Variants in MICAL3 observed in about 807,000 individuals in gnomAD.
The protein encoded by MICAL3 is microtubule associated monooxygenase, calponin and LIM domain containing 3.
MICAL3 carries 62 observed loss-of-function variants against 207.4 expected under a neutral mutation model. That is an observed-to-expected ratio of 0.30 (90% confidence interval 0.24 to 0.37). The LOEUF (loss-of-function observed/expected upper bound fraction) is 0.37. Among genes scored for constraint, MICAL3 ranks in the 10% least tolerant of loss-of-function variants. The pLI is 1.00. For missense variants in MICAL3, 2,368 were observed against 2,635.6 expected (o/e 0.90, Z 2.22); for synonymous variants, 1,077 against 1,069.3 (o/e 1.01, Z -0.14).
chr22:17,875,009 A>G lies in MICAL3; in HGVS notation c.2242-2986T>C, dbSNP rs140054961. Reference sequence around the variant, plus strand: ...GCTACTTCAGGTGACAGCCGCGTACATTCCTCAAATGATGACAACAGGCAG... The same window carrying G: ...GCTACTTCAGGTGACAGCCGCGTACGTTCCTCAAATGATGACAACAGGCAG... On this transcript the variant is annotated intron_variant, in intron 16 of 31. Transcript: ENST00000441493. Among the ~76,000 whole-genome samples the G allele has an allele frequency of 5.3e-3, 800 of 152,362 alleles. 9 individuals carry two copies. Among genetic ancestry groups the G allele is most frequent in the African/African-American group, 0.018 (754 of 41,584 alleles).
chr22:17,916,574 G>T (rs995416833), intron 1 of MICAL3, among the ~76,000 whole-genome samples: 5 of 152,212 alleles, frequency 3.3e-5, no homozygotes, highest in Non-Finnish European at 7.3e-5. Flanking sequence ...TCAAGGTCAT[G>T]AATGACTTCC....
At chr22:17,963,799 G>C (rs1076544) in intron 1 of MICAL3, among the ~76,000 whole-genome samples, 1 of 152,062 alleles carries the variant, frequency 6.6e-6, no homozygotes, top group Non-Finnish European at 1.5e-5. Flanking sequence ...CCCACAGGCC[G>C]ATCATTGCCT....
At chr22:17,820,863 T>C (rs1337015596) in intron 25 of MICAL3, among the ~76,000 whole-genome samples, 1 of 137,342 alleles carries the variant, frequency 7.3e-6, no homozygotes, top group African/African-American at 2.6e-5. Flanking sequence ...TTTGTTCTAA[T>C]AAATTTTAAT....
intron 1 of MICAL3, among the ~76,000 whole-genome samples, chr22:17,930,078 A>G (rs1275147471): frequency 6.6e-6 from 1 of 152,224 alleles, no homozygotes; most frequent in Non-Finnish European, 1.5e-5. Flanking sequence ...GGTGTTTAAC[A>G]TATTAGTCAC....
At chr22:17,903,688 G>A (rs1164701221) in intron 3 of MICAL3, among the ~76,000 whole-genome samples, 3 of 152,168 alleles carry the variant, frequency 2.0e-5, no homozygotes, top group Non-Finnish European at 2.9e-5. Flanking sequence ...AGAACTGTGG[G>A]TCCCAAGATG....
At chr22:17,953,668 C>T (rs953899132) in intron 1 of MICAL3, among the ~76,000 whole-genome samples, 13 of 152,072 alleles carry the variant, frequency 8.5e-5, no homozygotes, top group Non-Finnish European at 1.8e-4. Context: ...TGGTGGCTCA[C>T]GCCTGTAATC....
rs869097812 is a variant in MICAL3, at chr22:17,838,955, CT to C, written c.2801+2866del. Among the ~76,000 whole-genome samples, 270 of 88,438 alleles carry C rather than the reference CT, an allele frequency of 3.1e-3. 1 individual carries two copies. Among genetic ancestry groups the C allele is most frequent in the African/African-American group, 6.9e-3 (139 of 20,008 alleles). The allele number at this position is 88,438 out of a possible 152,430, so 58.0% of individuals were successfully genotyped here. ...CATTTATAGCTCCTTCCCCTAGATGCTTTTTTTTTTTTTTTTTTTTTTTTGA... is the reference window on the plus strand; with the variant it reads ...CATTTATAGCTCCTTCCCCTAGATGCTTTTTTTTTTTTTTTTTTTTTTTGA... On this transcript the variant is annotated intron_variant, in intron 20 of 31. Coordinates refer to ENST00000441493, the MANE Select transcript of MICAL3 (RefSeq NM_015241.3).
rs193214876 is a variant in MICAL3 at position 17,907,661 on chromosome 22, A to C, written c.-74-775T>G. On this transcript the variant is annotated intron_variant, in intron 1 of 31. Transcript: ENST00000441493. The stretch of plus-strand genomic sequence containing the variant: ...AGGGCAGAAGAGCCGCAGACTCTGG[A>C]AGAGATCCAGGAGGCCCCACCTTCA... Among the ~76,000 whole-genome samples, 12 of 152,308 alleles carry C rather than the reference A, an allele frequency of 7.9e-5. No homozygotes were observed. The East Asian group carries it at 2.1e-3, about 27-fold the overall frequency.
At chr22:17,980,513 C>T (rs1485707291) in intron 1 of MICAL3, among the ~76,000 whole-genome samples, 2 of 152,196 alleles carry the variant, frequency 1.3e-5, no homozygotes, top group Non-Finnish European at 2.9e-5. Flanking sequence ...TCCTGGAAAA[C>T]CATCAGCAGA....
intron 1 of MICAL3, among the ~76,000 whole-genome samples, chr22:17,979,623 C>T (rs1281925579): frequency 1.3e-5 from 2 of 151,904 alleles, no homozygotes; most frequent in Non-Finnish European, 2.9e-5. Context: ...AGGAATTCCC[C>T]ACGGCATCCA....
intron 16 of MICAL3, among the ~76,000 whole-genome samples, chr22:17,883,353 AG>A (rs1260275966): frequency 6.6e-6 from 1 of 152,242 alleles, no homozygotes; most frequent in African/African-American, 2.4e-5. Context: ...ATGGTTAGAA[AG>A]GAACATTTTT....
At chr22:18,018,686 C>T (rs956647005) in intron 1 of MICAL3, among the ~76,000 whole-genome samples, 1 of 152,054 alleles carries the variant, frequency 6.6e-6, no homozygotes, top group African/African-American at 2.4e-5. Context: ...TGTACCACTG[C>T]ACTCCAGCCT....
chr22:17,837,222 G>A (rs1015916503), intron 20 of MICAL3, among the ~76,000 whole-genome samples: 2 of 152,234 alleles, frequency 1.3e-5, no homozygotes, highest in African/African-American at 2.4e-5. Context: ...GGAGTGAGGC[G>A]GGAGGGAGAG....
chr22:17,825,815 C>T (rs545912572), intron 22 of MICAL3, among the ~76,000 whole-genome samples: 1 of 152,132 alleles, frequency 6.6e-6, no homozygotes, highest in Non-Finnish European at 1.5e-5. Context: ...GCTGTCCTGC[C>T]CCAAATGCCA....
chr22:18,023,437 T>C (rs1031962615), intron 1 of MICAL3, among the ~76,000 whole-genome samples: 1 of 126,268 alleles, frequency 7.9e-6, no homozygotes, highest in Admixed American at 8.6e-5. Flanking sequence ...TTTTCATTTC[T>C]TTACAATGAA....
chr22:17,881,111 G>T (rs987033119), intron 16 of MICAL3: 1 of 1,055,228 alleles, frequency 9.5e-7, no homozygotes, highest in South Asian at 1.4e-5. Context: ...GTTATTGCTG[G>T]TAAGAGGGAA....
In MICAL3 at chr22:17,900,733, C is replaced by G; in HGVS notation, c.847+109G>C. Reference sequence around the variant, plus strand: ...GAGTGAAAAGAGCAGGAGGGGCAGACAGTGCAGGAGGGACACCGACGGCCA... The same window carrying G: ...GAGTGAAAAGAGCAGGAGGGGCAGAGAGTGCAGGAGGGACACCGACGGCCA... On this transcript the variant is annotated intron_variant, in intron 6 of 31. Coordinates refer to ENST00000441493, the MANE Select transcript of MICAL3 (RefSeq NM_015241.3). This position sits in a 1 kb window ranked among gnomAD's most constrained non-coding sequence, Gnocchi z 4.0. The G allele has an allele frequency of 8.4e-6, 7 of 835,742 alleles. No individual in the cohort carries two copies. The highest frequency in any genetic ancestry group is 3.4e-5 in the South Asian group (2 of 58,146). 51.8% of individuals were successfully genotyped at this position (835,742 alleles called of 1,614,324 possible). A position where few individuals can be genotyped will look rare whatever the true frequency, so the allele number is the denominator to read the frequency against.
intron 20 of MICAL3, among the ~76,000 whole-genome samples, chr22:17,838,898 G>A (rs1923685354): frequency 6.6e-6 from 1 of 150,752 alleles, no homozygotes; most frequent in Non-Finnish European, 1.5e-5. Context: ...TTCCCGTCCT[G>A]TGTCCTACGG....
At chr22:18,019,090 G>A (rs1160372397) in intron 1 of MICAL3, 1 of 152,138 alleles carries the variant, frequency 6.6e-6, no homozygotes, top group East Asian at 1.9e-4. Flanking sequence ...CTACTCAGGA[G>A]GATGAGGTGG....
Sources: allele counts gnomAD v4.1 joint callset (sites outside exome capture counted in the v4.1 genomes callset), GRCh38; gene constraint gnomAD v4.1.1; non-coding constraint Gnocchi (gnomAD v3.1); transcripts MANE v1.5; gene names NCBI Gene and HGNC (gene_info 2026-07-23, HGNC 2026-07-21).